The following IMMP2L variants were observed in gnomAD, a reference collection of about 807,000 sequenced individuals.
The protein encoded by IMMP2L is mitochondrial inner membrane protease subunit 2.
Under a neutral mutation model 19.3 loss-of-function variants are expected in IMMP2L, and 18 were observed. That is an observed-to-expected ratio of 0.93 (90% CI 0.64 to 1.38). IMMP2L has a LOEUF of 1.38. Among genes scored for constraint, IMMP2L ranks in the 40% most tolerant of loss-of-function variants. The probability of loss-of-function intolerance (pLI) is 0.00; values close to 1 mark genes in which losing one functional copy is unlikely to be tolerated. For synonymous variants in IMMP2L, 76 were observed against 73.0 expected (o/e 1.04, Z -0.21); for missense variants, 233 against 218.2 (o/e 1.07, Z -0.43).
intron 3 of IMMP2L, among the ~76,000 whole-genome samples, chr7:111,003,766 C>T (rs1823985135): frequency 6.6e-6 from 1 of 151,634 alleles, no homozygotes; most frequent in Non-Finnish European, 1.5e-5. Flanking sequence ...CCTACCTTGG[C>T]CTCCCAAAGT....
At chr7:111,437,634 A>G (rs898719031) in intron 3 of IMMP2L, among the ~76,000 whole-genome samples, 6 of 151,834 alleles carry the variant, frequency 4.0e-5, no homozygotes, top group Admixed American at 3.9e-4. Flanking sequence ...AGTTCTTTTC[A>G]TTTTACTATT....
chr7:110,965,833 G>A (rs971418066), intron 3 of IMMP2L, among the ~76,000 whole-genome samples: 2 of 151,936 alleles, frequency 1.3e-5, no homozygotes, highest in African/African-American at 4.8e-5. Flanking sequence ...AGGGATTAGG[G>A]ACATTGGTAC....
chr7:110,790,535 T>C (rs891845240), intron 5 of IMMP2L, among the ~76,000 whole-genome samples: 1 of 151,628 alleles, frequency 6.6e-6, no homozygotes, highest in African/African-American at 2.4e-5. Context: ...GTACCTAAGG[T>C]GGTCAGATAC....
chr7:111,370,754 T>C (rs1373736052), intron 3 of IMMP2L, among the ~76,000 whole-genome samples: 1 of 151,934 alleles, frequency 6.6e-6, no homozygotes, highest in Non-Finnish European at 1.5e-5. Context: ...GTTTAGTATA[T>C]AGCCATATTT....
intron 1 of IMMP2L, among the ~76,000 whole-genome samples, chr7:111,559,997 TAAC>T (rs139391700): frequency 0.017 from 2,491 of 148,582 alleles, 66 homozygotes; most frequent in African/African-American, 0.058. Context: ...TTTTATCAAA[TAAC>T]AGTGAAATAT....
chr7:110,750,305 G>T (rs991059230), intron 5 of IMMP2L, among the ~76,000 whole-genome samples: 2 of 152,016 alleles, frequency 1.3e-5, no homozygotes, highest in East Asian at 1.9e-4. Context: ...GAAAGACTCA[G>T]CACTCTGTTT....
chr7:111,255,447 C>A (rs1357638090), intron 3 of IMMP2L, among the ~76,000 whole-genome samples: 1 of 151,778 alleles, frequency 6.6e-6, no homozygotes, highest in Non-Finnish European at 1.5e-5. Flanking sequence ...TAAAATGATT[C>A]ATTATAGTAT....
At chr7:111,438,601 T>G (rs1837421298) in intron 3 of IMMP2L, among the ~76,000 whole-genome samples, 2 of 151,914 alleles carry the variant, frequency 1.3e-5, no homozygotes, top group African/African-American at 4.9e-5. Flanking sequence ...CAAAGCTGTG[T>G]TGTTAGAAGA....
chr7:111,481,832 T>G (rs1842218400), intron 3 of IMMP2L, among the ~76,000 whole-genome samples: 1 of 152,204 alleles, frequency 6.6e-6, no homozygotes, highest in Non-Finnish European at 1.5e-5. Context: ...TTAGACGTAG[T>G]GTTATCAAAT....
At chr7:110,735,739 G>A (rs927318009) in intron 5 of IMMP2L, among the ~76,000 whole-genome samples, 8 of 133,466 alleles carry the variant, frequency 6.0e-5, no homozygotes, top group Middle Eastern at 4.9e-3. Context: ...AGGCAGACAT[G>A]GTAACGTGTG....
chr7:111,437,746 C>T (rs1837325462), intron 3 of IMMP2L, among the ~76,000 whole-genome samples: 1 of 151,832 alleles, frequency 6.6e-6, no homozygotes. Context: ...GTCTGGCCCA[C>T]TGGAATGTAA....
At chr7:111,274,901 T>G (rs1040623301) in intron 3 of IMMP2L, among the ~76,000 whole-genome samples, 1 of 152,116 alleles carries the variant, frequency 6.6e-6, no homozygotes, top group Non-Finnish European at 1.5e-5. Context: ...GATACCAGCA[T>G]TCCCCATCAG....
chr7:111,494,084 T>G (rs1264005734), intron 2 of IMMP2L, among the ~76,000 whole-genome samples: 1 of 152,156 alleles, frequency 6.6e-6, no homozygotes, highest in Non-Finnish European at 1.5e-5. Context: ...AAATAATAAT[T>G]TGATATGGCC....
intron 4 of IMMP2L, among the ~76,000 whole-genome samples, chr7:110,954,318 T>A (rs1039436703): frequency 9.9e-5 from 15 of 152,218 alleles, no homozygotes; most frequent in Non-Finnish European, 2.1e-4. Context: ...AATTCTCTTG[T>A]TATATTCCTT....
intron 3 of IMMP2L, among the ~76,000 whole-genome samples, chr7:111,234,045 A>G (rs1284602209): frequency 6.6e-6 from 1 of 152,234 alleles, no homozygotes; most frequent in East Asian, 1.9e-4. Flanking sequence ...GATGGTCATT[A>G]TAATACAAAT....
At chr7:110,941,282 T>C (rs1816707597) in intron 4 of IMMP2L, among the ~76,000 whole-genome samples, 3 of 152,188 alleles carry the variant, frequency 2.0e-5, no homozygotes, top group Non-Finnish European at 2.9e-5. Flanking sequence ...CAAAGTAACA[T>C]GCCATATAAC....
At chr7:111,373,216 G>T (rs1028141948) in intron 3 of IMMP2L, among the ~76,000 whole-genome samples, 1 of 150,872 alleles carries the variant, frequency 6.6e-6, no homozygotes, top group African/African-American at 2.4e-5. Context: ...ATATATAAAA[G>T]GAAAGAAAAA....
chr7:110,912,765 C>T (rs1813197407), intron 4 of IMMP2L, among the ~76,000 whole-genome samples: 1 of 151,890 alleles, frequency 6.6e-6, no homozygotes, highest in Non-Finnish European at 1.5e-5. Flanking sequence ...GCTACTTGCT[C>T]CTAAGTTGAT....
At chr7:111,006,750 CTCTT>C (rs1299635585) in intron 3 of IMMP2L, among the ~76,000 whole-genome samples, 1 of 152,120 alleles carries the variant, frequency 6.6e-6, no homozygotes, top group Non-Finnish European at 1.5e-5. Flanking sequence ...ACTTTTCTCT[CTCTT>C]TCTAAAATTC....
Sources: gnomAD v4.1 joint callset for allele counts (sites outside exome capture counted in the v4.1 genomes callset) on GRCh38, gnomAD v4.1.1 for gene constraint, MANE v1.5 for transcripts, NCBI Gene and HGNC (gene_info 2026-07-23, HGNC 2026-07-21) for gene names.